Variants in PRTFDC1 observed in about 807,000 individuals in gnomAD.
PRTFDC1 encodes phosphoribosyltransferase domain-containing protein 1.
In PRTFDC1, 38 loss-of-function variants were observed where a neutral mutation model predicts 34.6. The observed-to-expected ratio is 1.10, with a 90% CI of 0.85 to 1.44. The LOEUF is 1.44. Ranked by LOEUF, PRTFDC1 falls within the 40% of genes most tolerant of loss-of-function variation. The pLI, the probability that PRTFDC1 is intolerant of heterozygous loss-of-function variation, is 0.00. For missense variants in PRTFDC1, 270 were observed against 283.0 expected (o/e 0.95, Z 0.33); for synonymous variants, 93 against 98.1 (o/e 0.95, Z 0.31).
At chr10:24,887,250 G>A (rs1435866727) in intron 3 of PRTFDC1, among the ~76,000 whole-genome samples, 3 of 152,038 alleles carry the variant, frequency 2.0e-5, no homozygotes, top group African/African-American at 4.8e-5. Flanking sequence ...GATTACAGGC[G>A]TGAGCCACCG....
chr10:24,872,447 C>T (rs1428659536), intron 3 of PRTFDC1, among the ~76,000 whole-genome samples: 1 of 152,138 alleles, frequency 6.6e-6, no homozygotes, highest in Non-Finnish European at 1.5e-5. Flanking sequence ...TCAGCTTTGC[C>T]ACCAAGCTCT....
intron 3 of PRTFDC1, among the ~76,000 whole-genome samples, chr10:24,904,533 C>T (rs775372241): frequency 1.3e-4 from 20 of 152,306 alleles, no homozygotes; most frequent in Admixed American, 7.8e-4. Flanking sequence ...GGCAAGTCTG[C>T]TACATGGAAG....
At chr10:24,858,742 G>T (rs1847624007) in intron 4 of PRTFDC1, among the ~76,000 whole-genome samples, 1 of 152,194 alleles carries the variant, frequency 6.6e-6, no homozygotes, top group South Asian at 2.1e-4. Flanking sequence ...GGCAAAGCCT[G>T]TTGAGAGTTT....
At chr10:24,871,961 A>T (rs917199097) in intron 4 of PRTFDC1, 37 bp downstream of exon 4, 22 of 1,558,994 alleles carry the variant, frequency 1.4e-5, no homozygotes, top group Non-Finnish European at 1.9e-5. Flanking sequence ...ATGCCCCCAG[A>T]CCTCAATGCG....
intron 7 of PRTFDC1, among the ~76,000 whole-genome samples, chr10:24,851,869 G>A (rs755363006): frequency 1.3e-5 from 2 of 151,766 alleles, no homozygotes; most frequent in Non-Finnish European, 2.9e-5. Context: ...GCGTTACGAC[G>A]CTGCATTATG....
At chr10:24,917,248 A>C (rs80261943) in intron 3 of PRTFDC1, among the ~76,000 whole-genome samples, 2,335 of 152,260 alleles carry the variant, frequency 0.015, 32 homozygotes, top group South Asian at 0.051. Flanking sequence ...CAAATGCCCC[A>C]TTTTTTAACT....
chr10:24,883,457 GA>G (rs1267049630), intron 3 of PRTFDC1, among the ~76,000 whole-genome samples: 1 of 150,510 alleles, frequency 6.6e-6, no homozygotes, highest in Non-Finnish European at 1.5e-5. Flanking sequence ...CTAGTGGGAA[GA>G]AAGAAAGGCC....
At chr10:24,857,261 T>C (rs932554775) in intron 5 of PRTFDC1, among the ~76,000 whole-genome samples, 1 of 152,194 alleles carries the variant, frequency 6.6e-6, no homozygotes, top group Non-Finnish European at 1.5e-5. Context: ...TTGGACAGCA[T>C]GTAGGACTCC....
intron 3 of PRTFDC1, among the ~76,000 whole-genome samples, chr10:24,895,699 A>C (rs1848346807): frequency 8.0e-6 from 1 of 124,626 alleles, no homozygotes; most frequent in African/African-American, 3.4e-5. Context: ...ATATATATAT[A>C]TATATATATA....
chr10:24,924,886 T>G (rs1487543982), intron 3 of PRTFDC1, among the ~76,000 whole-genome samples: 6 of 152,218 alleles, frequency 3.9e-5, no homozygotes, highest in Non-Finnish European at 8.8e-5. Flanking sequence ...TGTAAATTAG[T>G]TCAACTATTG....
At chr10:24,851,878 T>A (rs187829321) in intron 7 of PRTFDC1, among the ~76,000 whole-genome samples, 1 of 151,780 alleles carries the variant, frequency 6.6e-6, no homozygotes, top group African/African-American at 2.4e-5. Context: ...CGCTGCATTA[T>A]GTGAACAGGT....
chr10:24,851,891 G>C (rs987997113), intron 7 of PRTFDC1, among the ~76,000 whole-genome samples: 1 of 151,762 alleles, frequency 6.6e-6, no homozygotes, highest in Non-Finnish European at 1.5e-5. Context: ...GAACAGGTGC[G>C]CGGGCCACAG....
intron 3 of PRTFDC1, among the ~76,000 whole-genome samples, chr10:24,878,293 T>G (rs1219057282): frequency 6.6e-6 from 1 of 151,412 alleles, no homozygotes; most frequent in African/African-American, 2.4e-5. Context: ...AAAGAAACTT[T>G]CCCAAAGAGG....
intron 8 of PRTFDC1, among the ~76,000 whole-genome samples, chr10:24,850,402 T>C (rs1847464198): frequency 6.6e-6 from 1 of 151,760 alleles, no homozygotes; most frequent in Non-Finnish European, 1.5e-5. Flanking sequence ...GAGGCTGAGG[T>C]GGGAGCATGA....
At chr10:24,915,832 C>A (rs1230072630) in intron 3 of PRTFDC1, among the ~76,000 whole-genome samples, 1 of 152,170 alleles carries the variant, frequency 6.6e-6, no homozygotes, top group African/African-American at 2.4e-5. Context: ...GTCCTTAGAG[C>A]TCTTCTCTAT....
intron 3 of PRTFDC1, among the ~76,000 whole-genome samples, chr10:24,905,638 C>T (rs886368998): frequency 4.6e-5 from 7 of 152,024 alleles, no homozygotes; most frequent in African/African-American, 1.7e-4. Flanking sequence ...AGTGTCTTGT[C>T]TGCCATCTTT....
At chr10:24,931,138 C>T (rs1390715724) in intron 3 of PRTFDC1, among the ~76,000 whole-genome samples, 2 of 151,972 alleles carry the variant, frequency 1.3e-5, no homozygotes, top group African/African-American at 4.8e-5. Flanking sequence ...AATTAAACAA[C>T]ACGAGACAAC....
At chr10:24,908,535 G>A (rs769551089) in intron 3 of PRTFDC1, 47 of 1,612,532 alleles carry the variant, frequency 2.9e-5, no homozygotes, top group East Asian at 1.3e-4. Flanking sequence ...AACTGAAACC[G>A]GATGTGGAAA....
intron 3 of PRTFDC1, among the ~76,000 whole-genome samples, chr10:24,934,704 C>T (rs1244913113): frequency 4.6e-5 from 7 of 152,102 alleles, no homozygotes; most frequent in Non-Finnish European, 7.4e-5. Flanking sequence ...ATTTCCAGAC[C>T]GAACCAACGT....
Sources: allele counts gnomAD v4.1 joint callset (sites outside exome capture counted in the v4.1 genomes callset), GRCh38; gene constraint gnomAD v4.1.1; transcripts MANE v1.5; gene names NCBI Gene and HGNC (gene_info 2026-07-23, HGNC 2026-07-21).